MYRIP: variants seen among roughly 807,000 people sequenced by gnomAD.
MYRIP encodes myosin VIIA and Rab interacting protein.
In MYRIP, 49 loss-of-function variants were observed where a neutral mutation model predicts 98.0. That is an observed-to-expected ratio of 0.50 (90% CI 0.40 to 0.63). The LOEUF (loss-of-function observed/expected upper bound fraction) is 0.63, where lower values mean the gene tolerates loss of function less well. Among genes scored for constraint, MYRIP ranks in the 30% least tolerant of loss-of-function variants. The pLI is 0.00. For synonymous variants in MYRIP, 404 were observed against 409.5 expected (o/e 0.99, Z 0.16); for missense variants, 1,004 against 1,058.2 (o/e 0.95, Z 0.71).
At chr3:39,962,303 T>C (rs1364907004) in intron 2 of MYRIP, among the ~76,000 whole-genome samples, 1 of 152,146 alleles carries the variant, frequency 6.6e-6, no homozygotes, top group Non-Finnish European at 1.5e-5. Flanking sequence ...TCTAAACCCC[T>C]GACCTGTTGT....
At chr3:40,218,759 T>C (rs1476848684) in intron 11 of MYRIP, among the ~76,000 whole-genome samples, 4 of 150,544 alleles carry the variant, frequency 2.7e-5, no homozygotes, top group African/African-American at 9.8e-5. Context: ...AAAGACTGAA[T>C]AAGTGCGGAA....
intron 16 of MYRIP, among the ~76,000 whole-genome samples, chr3:40,257,040 A>C (rs939418883): frequency 6.6e-6 from 1 of 152,226 alleles, no homozygotes; most frequent in African/African-American, 2.4e-5. Context: ...AATAAATTAC[A>C]GTAGGCCAAG....
At chr3:40,034,845 T>C (rs1947341868) in intron 2 of MYRIP, among the ~76,000 whole-genome samples, 1 of 150,092 alleles carries the variant, frequency 6.7e-6, no homozygotes, top group South Asian at 2.1e-4. Context: ...AATGATAGAG[T>C]GGATTAAGAA....
At chr3:39,951,162 A>G (rs2125717891) in intron 2 of MYRIP, among the ~76,000 whole-genome samples, 1 of 152,284 alleles carries the variant, frequency 6.6e-6, no homozygotes, top group East Asian at 1.9e-4. Context: ...TGTTTTACTC[A>G]CTAATTTTCA....
chr3:40,044,023 C>T, intron 2 of MYRIP, 27 bp from the exon 3 acceptor site: 1 of 1,608,084 alleles, frequency 6.2e-7, no homozygotes. Flanking sequence ...CTCTCCTCCT[C>T]CCATTTCCCC....
intron 2 of MYRIP, among the ~76,000 whole-genome samples, chr3:39,997,403 C>T (rs1342227862): frequency 1.3e-5 from 2 of 150,908 alleles, no homozygotes; most frequent in Non-Finnish European, 3.0e-5. Context: ...ATACTATAAA[C>T]ACCTCTATGC....
At chr3:40,045,393 T>C (rs541524089) in intron 3 of MYRIP, among the ~76,000 whole-genome samples, 461 of 152,204 alleles carry the variant, frequency 3.0e-3, no homozygotes, top group Middle Eastern at 6.8e-3. Flanking sequence ...TGTGCCTGAC[T>C]TGGTCAGAGC....
chr3:40,121,564 A>G (rs1056121349), intron 3 of MYRIP, among the ~76,000 whole-genome samples: 4 of 150,494 alleles, frequency 2.7e-5, no homozygotes, highest in African/African-American at 7.4e-5. Flanking sequence ...TTTGGGTGCC[A>G]CCCTCTCCTC....
chr3:39,877,474 T>G (rs1204221980), intron 1 of MYRIP, among the ~76,000 whole-genome samples: 4 of 152,146 alleles, frequency 2.6e-5, no homozygotes, highest in Non-Finnish European at 5.9e-5. Context: ...TTTGTGGTTT[T>G]ATCTACTTTT....
At chr3:39,814,022 A>G (rs1940789775) in intron 1 of MYRIP, among the ~76,000 whole-genome samples, 1 of 152,206 alleles carries the variant, frequency 6.6e-6, no homozygotes, top group African/African-American at 2.4e-5. Flanking sequence ...ATATATTGAT[A>G]GATAAAAGAT....
intron 5 of MYRIP, among the ~76,000 whole-genome samples, chr3:40,165,756 TAAAA>T (rs3063826): frequency 6.9e-6 from 1 of 144,104 alleles, no homozygotes. Flanking sequence ...TGCCATATCT[TAAAA>T]AAAAAAAAAA....
intron 1 of MYRIP, among the ~76,000 whole-genome samples, chr3:39,879,074 AT>A (rs1943095447): frequency 6.6e-6 from 1 of 151,044 alleles, no homozygotes; most frequent in East Asian, 1.9e-4. Context: ...CAAAAAAATA[AT>A]AATTTTATAT....
chr3:39,973,783 C>T (rs191182162), intron 2 of MYRIP, among the ~76,000 whole-genome samples: 1 of 152,152 alleles, frequency 6.6e-6, no homozygotes, highest in Non-Finnish European at 1.5e-5. Flanking sequence ...AACTGAACAA[C>T]CTGCTCCTGA....
At chr3:40,086,011 C>T (rs78135056) in intron 3 of MYRIP, among the ~76,000 whole-genome samples, 14,164 of 151,910 alleles carry the variant, frequency 0.093, 758 homozygotes, top group East Asian at 0.22. Flanking sequence ...CCAAGAGCAA[C>T]CACTACAGAA....
chr3:40,258,365 T>G lies in MYRIP; in HGVS notation c.*199T>G. On this transcript the variant is annotated 3_prime_UTR_variant, in exon 17 of 17. Transcript: ENST00000302541. ...ACTTCAGCACTGCGGTCTTGCCCAC[T>G]CTCTGCCTTAGGCTCCCAGGGGAAT... 2 of 553,634 alleles carry G rather than the reference T, an allele frequency of 3.6e-6. No homozygotes were observed. Among genetic ancestry groups the G allele is most frequent in the South Asian group, 2.7e-5 (1 of 36,672 alleles). The allele number at this position is 553,634 out of a possible 1,614,324, so 34.3% of individuals were successfully genotyped here.
intron 1 of MYRIP, among the ~76,000 whole-genome samples, chr3:39,818,659 G>A (rs1941004504): frequency 6.6e-6 from 1 of 151,860 alleles, no homozygotes; most frequent in South Asian, 2.1e-4. Context: ...TTTAATTTTG[G>A]GGGGGTATTA....
At chr3:40,158,958 T>C (rs1490427546) in intron 4 of MYRIP, among the ~76,000 whole-genome samples, 3 of 152,146 alleles carry the variant, frequency 2.0e-5, no homozygotes, top group Non-Finnish European at 2.9e-5. Flanking sequence ...AATTTGCCAG[T>C]CTGTGTCTTT....
chr3:40,164,332 G>A (rs892077881), intron 5 of MYRIP, among the ~76,000 whole-genome samples: 1 of 152,166 alleles, frequency 6.6e-6, no homozygotes, highest in African/African-American at 2.4e-5. Flanking sequence ...GTATGTACAT[G>A]CACATATATA....
chr3:40,162,508 T>A (rs1950417814), intron 4 of MYRIP, among the ~76,000 whole-genome samples: 1 of 152,188 alleles, frequency 6.6e-6, no homozygotes, highest in Non-Finnish European at 1.5e-5. Context: ...AAGGTTGGGG[T>A]TGGCAGCAAT....
Sources: allele counts gnomAD v4.1 joint callset (sites outside exome capture counted in the v4.1 genomes callset), GRCh38; gene constraint gnomAD v4.1.1; transcripts MANE v1.5; gene names NCBI Gene and HGNC (gene_info 2026-07-23, HGNC 2026-07-21).